The following AZIN2 variants were observed in gnomAD, a reference collection of about 807,000 sequenced individuals.
The protein encoded by AZIN2 is antizyme inhibitor 2, also known as ODC antizyme inhibitor-2.
In AZIN2, 28 loss-of-function variants were observed where a neutral mutation model predicts 47.8. The observed-to-expected ratio is 0.59, with a 90% CI of 0.43 to 0.80. The LOEUF is 0.80. Among genes scored for constraint, AZIN2 ranks in the 30% least tolerant of loss-of-function variants. The pLI is 0.00. For missense variants in AZIN2, 535 were observed against 582.5 expected, an observed-to-expected ratio of 0.92 and a Z score of 0.84; for synonymous variants, 221 against 239.4, an observed-to-expected ratio of 0.92 and a Z score of 0.71.
chr1:33,128,969 G>A, the AZIN2 span, among the ~76,000 whole-genome samples: 2 of 152,256 alleles, frequency 1.3e-5, no homozygotes, highest in Non-Finnish European at 2.9e-5. Flanking sequence ...TAAAGCTGCC[G>A]GCCAGGATTA....
intron 10 of AZIN2, among the ~76,000 whole-genome samples, chr1:33,104,222 C>A (rs932703785): frequency 6.6e-6 from 1 of 152,072 alleles, no homozygotes; most frequent in African/African-American, 2.4e-5. Context: ...AAGGATAAAC[C>A]ATTTTGTTTT....
chr1:33,136,722 G>A, the AZIN2 span, among the ~76,000 whole-genome samples: 2 of 151,432 alleles, frequency 1.3e-5, no homozygotes, highest in African/African-American at 2.4e-5. Flanking sequence ...CAGCCAGGCC[G>A]GGCACGGTGG....
chr1:33,147,669 G>A, the AZIN2 span: 156 of 1,613,742 alleles, frequency 9.7e-5, no homozygotes, highest in Non-Finnish European at 1.2e-4. The surrounding 1 kb of genome is among the most constrained non-coding windows in gnomAD (Gnocchi z 8.1). Context: ...TGGTGCAGTC[G>A]TCCGACAGGA....
chr1:33,091,923 A>T, intron 5 of AZIN2, 127 bp from the exon 6 acceptor site: 2 of 947,118 alleles, frequency 2.1e-6, no homozygotes, highest in African/African-American at 1.6e-5. Flanking sequence ...CTGTTGTCTT[A>T]GAGCAAGGCC....
the AZIN2 span, among the ~76,000 whole-genome samples, chr1:33,160,732 A>G: frequency 6.6e-6 from 1 of 152,118 alleles, no homozygotes; most frequent in Admixed American, 6.5e-5. Flanking sequence ...AAAATCATTC[A>G]TGGGGCTCAT....
At chr1:33,153,982 T>A in the AZIN2 span, among the ~76,000 whole-genome samples, 8 of 152,200 alleles carry the variant, frequency 5.3e-5, no homozygotes, top group Non-Finnish European at 1.0e-4. Flanking sequence ...CCAGGTTGCC[T>A]TGAGAAATCC....
At chr1:33,099,035 G>A (rs762322282) in intron 10 of AZIN2, among the ~76,000 whole-genome samples, 5 of 152,124 alleles carry the variant, frequency 3.3e-5, no homozygotes, top group Non-Finnish European at 5.9e-5. Context: ...AAAGTGCTGG[G>A]ATTACAGGCA....
At chr1:33,082,111 TC>T (rs1180577960) in intron 3 of AZIN2, 66 bp from the exon 4 acceptor site, 14 of 716,324 alleles carry the variant, frequency 2.0e-5, no homozygotes, top group Non-Finnish European at 3.4e-5. Flanking sequence ...ATCCCTGGCC[TC>T]GGGAGGCGAG....
At chr1:33,124,282 T>C (rs1419914248), downstream of AZIN2, among the ~76,000 whole-genome samples, 1 of 152,206 alleles carries the variant, frequency 6.6e-6, no homozygotes, top group African/African-American at 2.4e-5. The surrounding 1 kb of genome is among the most constrained non-coding windows in gnomAD (Gnocchi z 4.6). Context: ...ACAGAGGACC[T>C]TGAATTACAA....
chr1:33,105,308 G>A (rs1557706014), intron 10 of AZIN2, among the ~76,000 whole-genome samples: 1 of 152,098 alleles, frequency 6.6e-6, no homozygotes, highest in Admixed American at 6.6e-5. Context: ...AAATACTGAC[G>A]TGTTAGGTGG....
chr1:33,109,430 G>A (rs1644181932), intron 10 of AZIN2, among the ~76,000 whole-genome samples: 1 of 151,656 alleles, frequency 6.6e-6, no homozygotes, highest in South Asian at 2.1e-4. Context: ...CCAGGCTCAA[G>A]CGATTCTCCT....
chr1:33,139,867 A>G, the AZIN2 span, among the ~76,000 whole-genome samples: 1 of 152,022 alleles, frequency 6.6e-6, no homozygotes, highest in Non-Finnish European at 1.5e-5. Context: ...GAAGTCCCCT[A>G]TCTCTTTCTA....
chr1:33,089,550 C>A (rs1181437150), intron 5 of AZIN2, among the ~76,000 whole-genome samples: 3 of 152,174 alleles, frequency 2.0e-5, no homozygotes, highest in Admixed American at 6.5e-5. Flanking sequence ...AGGCAGGGAA[C>A]AAAAACACAG....
intron 4 of AZIN2, 62 bp downstream of exon 4, chr1:33,082,416 G>GAT (rs1436316093): frequency 1.6e-6 from 2 of 1,278,274 alleles, no homozygotes; most frequent in African/African-American, 3.0e-5. Flanking sequence ...GCCTCCTCAG[G>GAT]AAGGGTCCCT....
chr1:33,096,096 C>T (rs1026236523), intron 8 of AZIN2, among the ~76,000 whole-genome samples: 1 of 152,118 alleles, frequency 6.6e-6, no homozygotes, highest in African/African-American at 2.4e-5. Flanking sequence ...CTTCAGCCTC[C>T]CAAAGTTCTG....
At chr1:33,152,732 C>T in the AZIN2 span, among the ~76,000 whole-genome samples, 1 of 152,146 alleles carries the variant, frequency 6.6e-6, no homozygotes, top group Admixed American at 6.5e-5. Context: ...TGCAACTATC[C>T]TTGTTTTACA....
chr1:33,090,016 A>T (rs532063054), intron 5 of AZIN2, among the ~76,000 whole-genome samples: 1 of 152,258 alleles, frequency 6.6e-6, no homozygotes, highest in East Asian at 1.9e-4. Flanking sequence ...GCTAATACCC[A>T]TCTGAATGGG....
intron 8 of AZIN2, 113 bp downstream of exon 8, chr1:33,094,826 C>G: frequency 2.6e-6 from 3 of 1,166,078 alleles, no homozygotes; most frequent in Non-Finnish European, 2.5e-6. Flanking sequence ...GCATGCAGTG[C>G]TTGGTGCTTA....
the AZIN2 span, among the ~76,000 whole-genome samples, chr1:33,150,097 C>A: frequency 6.6e-6 from 1 of 152,218 alleles, no homozygotes; most frequent in Non-Finnish European, 1.5e-5. Context: ...GAGCTGATAA[C>A]TGGCCAGAGG....
Sources: allele counts gnomAD v4.1 joint callset (sites outside exome capture counted in the v4.1 genomes callset), GRCh38; gene constraint gnomAD v4.1.1; non-coding constraint Gnocchi (gnomAD v3.1); transcripts MANE v1.5; gene names NCBI Gene and HGNC (gene_info 2026-07-23, HGNC 2026-07-21).